The following SETBP1 variants were observed in gnomAD, a reference collection of about 807,000 sequenced individuals.
SETBP1 encodes the protein SET-binding protein.
SETBP1 carries 9 observed loss-of-function variants against 101.0 expected under a neutral mutation model. That is an observed-to-expected ratio of 0.09 (90% CI 0.05 to 0.16). The LOEUF (loss-of-function observed/expected upper bound fraction) is 0.16, where lower values mean the gene tolerates loss of function less well. Among genes scored for constraint, SETBP1 ranks in the 10% least tolerant of loss-of-function variants. The pLI, the probability that SETBP1 is intolerant of heterozygous loss-of-function variation, is 1.00. For missense variants in SETBP1, 1,858 were observed against 2,033.8 expected (o/e 0.91, Z 1.66); for synonymous variants, 818 against 788.5 (o/e 1.04, Z -0.63).
chr18:44,938,259 C>T (rs1338292996), intron 3 of SETBP1, among the ~76,000 whole-genome samples: 1 of 152,218 alleles, frequency 6.6e-6, no homozygotes, highest in East Asian at 1.9e-4. Flanking sequence ...CGTCCTGAGA[C>T]GTCCCTGAAC....
At chr18:44,717,440 A>G (rs1283140854) in intron 2 of SETBP1, among the ~76,000 whole-genome samples, 1 of 152,226 alleles carries the variant, frequency 6.6e-6, no homozygotes, top group Non-Finnish European at 1.5e-5. Context: ...TTGTCTCAAC[A>G]GATTTAGGAT....
Position 45,063,376 on chromosome 18 carries a change from G to C in SETBP1, c.4469G>C (p.Ser1490Thr), listed in dbSNP as rs1193044740. 3 of 1,561,286 alleles carry C rather than the reference G, an allele frequency of 1.9e-6. No individual in the cohort carries two copies. The highest frequency in any genetic ancestry group is 1.9e-5 in the Admixed American group (1 of 52,492). Residue 1490 changes from serine (S) to threonine (T), a missense_variant, in exon 6 of 6, where the codon AGC (serine) becomes ACC (threonine). Transcript: ENST00000649279. ...DLPSKRGQKP[S>T]LSPLVLEPAA... is the part of the protein sequence containing the mutation. ...CCCAGCAAAAGAGGCCAGAAGCCCAGCCTGAGCCCGCTGGTGCTGGAGCCC... is the reference window on the plus strand; with the variant it reads ...CCCAGCAAAAGAGGCCAGAAGCCCACCCTGAGCCCGCTGGTGCTGGAGCCC...
chr18:44,796,538 T>TA (rs2071479286), intron 2 of SETBP1, among the ~76,000 whole-genome samples: 1 of 152,220 alleles, frequency 6.6e-6, no homozygotes, highest in Non-Finnish European at 1.5e-5. Flanking sequence ...AAAAGCTCTT[T>TA]ATGTGATTCC....
intron 4 of SETBP1, among the ~76,000 whole-genome samples, chr18:44,960,144 G>A (rs925651866): frequency 4.6e-5 from 7 of 150,672 alleles, no homozygotes; most frequent in African/African-American, 1.2e-4. Context: ...TGATCCTCCC[G>A]CCTCGGCCAC....
chr18:44,731,161 G>A (rs1040923836), intron 2 of SETBP1, among the ~76,000 whole-genome samples: 4 of 152,130 alleles, frequency 2.6e-5, no homozygotes, highest in Admixed American at 1.3e-4. Context: ...GCAGGTCTCG[G>A]GGTAGTTGGA....
intron 3 of SETBP1, among the ~76,000 whole-genome samples, chr18:44,907,198 T>C (rs1201694242): frequency 6.6e-6 from 1 of 152,252 alleles, no homozygotes; most frequent in Non-Finnish European, 1.5e-5. Context: ...GTTCTTTTTA[T>C]GGCTGAATAA....
At chr18:44,688,149 G>A (rs2068867563) in intron 1 of SETBP1, among the ~76,000 whole-genome samples, 1 of 152,178 alleles carries the variant, frequency 6.6e-6, no homozygotes, top group Non-Finnish European at 1.5e-5. Context: ...TTTTAACCCA[G>A]GATCTAGTAA....
In SETBP1 at chr18:44,746,604, G is replaced by A. The variant is rs562632350; in HGVS notation, c.486+44772G>A. Reference sequence around the variant, plus strand: ...GAATATCTCTTTGTTCCCCCATAATGTTTAGCTTAGTGCTCAGAACATGCA... The same window carrying A: ...GAATATCTCTTTGTTCCCCCATAATATTTAGCTTAGTGCTCAGAACATGCA... On this transcript the variant is annotated intron_variant, in intron 2 of 5. Coordinates refer to ENST00000649279, the MANE Select transcript of SETBP1 (RefSeq NM_015559.3). Among the ~76,000 whole-genome samples, 65 of 152,288 alleles carry A rather than the reference G, an allele frequency of 4.3e-4. No individual in the cohort carries two copies. The South Asian group carries it at 0.013, about 30-fold the overall frequency.
intron 4 of SETBP1, among the ~76,000 whole-genome samples, chr18:45,026,943 C>A (rs1389873134): frequency 1.3e-5 from 2 of 152,164 alleles, no homozygotes; most frequent in African/African-American, 2.4e-5. Flanking sequence ...CCCTCCCCCA[C>A]CACCACTGAC....
chr18:44,956,606 C>T (rs1241327631), intron 4 of SETBP1, among the ~76,000 whole-genome samples: 1 of 152,150 alleles, frequency 6.6e-6, no homozygotes, highest in Non-Finnish European at 1.5e-5. Context: ...CTATTCTTCT[C>T]TAAAATAGAT....
chr18:44,700,165 T>G (rs10502839), intron 1 of SETBP1, among the ~76,000 whole-genome samples: 11,969 of 152,140 alleles, frequency 0.079, 502 homozygotes, highest in South Asian at 0.099. Context: ...ATTATGAGTA[T>G]GAAATTGGGA....
At chr18:44,768,175 G>C (rs565945940) in intron 2 of SETBP1, among the ~76,000 whole-genome samples, 1 of 152,130 alleles carries the variant, frequency 6.6e-6, no homozygotes, top group South Asian at 2.1e-4. Context: ...TGATTTGGGA[G>C]GTTTTGATGC....
Position 44,913,839 on chromosome 18 carries a change from A to G in SETBP1, c.541-36042A>G, listed in dbSNP as rs141430168. ...GGAAAGATCAGGCTGATGCCATAAC[A>G]TGGCTGGGTTCATTCCATTTTTAGT... On this transcript the variant is annotated intron_variant, in intron 3 of 5. Transcript: ENST00000649279. Among the ~76,000 whole-genome samples, 648 of 152,312 alleles carry G rather than the reference A, an allele frequency of 4.3e-3. 7 individuals are homozygous for G. Among genetic ancestry groups the G allele is most frequent in the African/African-American group, 0.015 (628 of 41,564 alleles).
chr18:44,998,320 A>G (rs1340908267), intron 4 of SETBP1, among the ~76,000 whole-genome samples: 1 of 152,234 alleles, frequency 6.6e-6, no homozygotes, highest in East Asian at 1.9e-4. Context: ...ATCTCTCCTC[A>G]CACCAGGCAC....
intron 4 of SETBP1, chr18:44,988,273 T>G (rs2072283517): frequency 6.6e-6 from 1 of 152,196 alleles, no homozygotes; most frequent in African/African-American, 2.4e-5. Flanking sequence ...ATATAGCATC[T>G]CTAGTTAATT....
At chr18:44,906,889 T>C (rs2070188475) in intron 3 of SETBP1, among the ~76,000 whole-genome samples, 1 of 152,226 alleles carries the variant, frequency 6.6e-6, no homozygotes, top group Non-Finnish European at 1.5e-5. Context: ...TGCCATAATA[T>C]TCATCTTTTA....
intron 1 of SETBP1, among the ~76,000 whole-genome samples, chr18:44,682,935 G>C (rs2068783427): frequency 6.6e-6 from 1 of 152,074 alleles, no homozygotes; most frequent in Non-Finnish European, 1.5e-5. Context: ...GCACCACCGG[G>C]AGCCAGAGGA....
At chr18:44,852,107 C>T (rs76690619) in intron 2 of SETBP1, among the ~76,000 whole-genome samples, 1,718 of 152,366 alleles carry the variant, frequency 0.011, 6 homozygotes, top group Non-Finnish European at 0.017. Context: ...GGGACAGCAG[C>T]TGCACAGAGC....
intron 2 of SETBP1, among the ~76,000 whole-genome samples, chr18:44,754,116 T>A (rs1416999874): frequency 6.6e-6 from 1 of 152,234 alleles, no homozygotes; most frequent in African/African-American, 2.4e-5. Context: ...GCTTCCCCAG[T>A]ATTTGAAAAT....
Sources: gnomAD v4.1 joint callset for allele counts (sites outside exome capture counted in the v4.1 genomes callset) on GRCh38, gnomAD v4.1.1 for gene constraint, MANE v1.5 for transcripts, NCBI Gene and HGNC (gene_info 2026-07-23, HGNC 2026-07-21) for gene names.